DAP: variants seen among roughly 807,000 people sequenced by gnomAD.
DAP encodes the protein death-associated protein 1.
DAP carries 8 observed loss-of-function variants against 13.8 expected under a neutral mutation model. The ratio of observed to expected loss-of-function variants is 0.58; its 90% CI spans 0.34 to 1.05. The LOEUF (loss-of-function observed/expected upper bound fraction) is 1.05, where lower values mean the gene tolerates loss of function less well. DAP is among the 50% of genes least tolerant of loss of function. The probability of loss-of-function intolerance (pLI) is 0.03; values close to 1 mark genes in which losing one functional copy is unlikely to be tolerated. For missense variants in DAP, 106 were observed against 133.2 expected, an observed-to-expected ratio of 0.80 and a Z score of 1.01; for synonymous variants, 47 against 47.5, an observed-to-expected ratio of 0.99 and a Z score of 0.04.
chr5:10,699,016 C>T (rs747704157), intron 2 of DAP, among the ~76,000 whole-genome samples: 54 of 152,160 alleles, frequency 3.5e-4, no homozygotes, highest in Non-Finnish European at 5.7e-4. Context: ...CTCTAAAAGT[C>T]CCAAAGATAA....
intron 2 of DAP, among the ~76,000 whole-genome samples, chr5:10,720,611 G>A (rs561354708): frequency 6.6e-6 from 1 of 152,324 alleles, no homozygotes; most frequent in Non-Finnish European, 1.5e-5. Flanking sequence ...GGCAGGGATG[G>A]AGGTTACGCA....
chr5:10,710,868 A>G (rs1445243677), intron 2 of DAP, among the ~76,000 whole-genome samples: 1 of 152,216 alleles, frequency 6.6e-6, no homozygotes, highest in Non-Finnish European at 1.5e-5. Context: ...ATCTGCATCA[A>G]GCTGCCCAGT....
intron 2 of DAP, among the ~76,000 whole-genome samples, chr5:10,746,731 A>C (rs1739915186): frequency 6.6e-6 from 1 of 152,210 alleles, no homozygotes. Flanking sequence ...AATCACTAAT[A>C]ATCACTCAGA....
chr5:10,759,239 T>C (rs193026165), intron 1 of DAP, among the ~76,000 whole-genome samples: 36 of 152,330 alleles, frequency 2.4e-4, no homozygotes, highest in Admixed American at 9.8e-4. Flanking sequence ...ATTTAATTAC[T>C]GTACTTTGGT....
intron 2 of DAP, among the ~76,000 whole-genome samples, chr5:10,719,133 A>C (rs1739069785): frequency 6.6e-6 from 1 of 152,240 alleles, no homozygotes; most frequent in East Asian, 1.9e-4. Flanking sequence ...AAGGTAAAGG[A>C]CAAGTTGCTG....
At position 10,754,236 on chromosome 5, in the gene DAP, T is replaced by G. The variant is rs762353542; in HGVS notation, c.56-5965A>C. Among the ~76,000 whole-genome samples, 10 of 152,320 alleles carry G rather than the reference T, an allele frequency of 6.6e-5. No homozygotes were observed. The East Asian group carries it at 1.3e-3, about 21-fold the overall frequency. ...ATGCAGAGAGTGGGTACTGACAGTCTGGCCCAATAACAGACATAAGTTATA... is the reference window on the plus strand; with the variant it reads ...ATGCAGAGAGTGGGTACTGACAGTCGGGCCCAATAACAGACATAAGTTATA... On this transcript the variant is annotated intron_variant, in intron 1 of 3. Coordinates refer to ENST00000230895, the MANE Select transcript of DAP (RefSeq NM_004394.3).
intron 1 of DAP, among the ~76,000 whole-genome samples, chr5:10,749,355 C>T (rs1278792893): frequency 1.3e-5 from 2 of 152,016 alleles, no homozygotes; most frequent in African/African-American, 4.8e-5. Context: ...CACATGGTGC[C>T]TCTGAATTTA....
Position 10,680,222 on chromosome 5 carries a change from AGT to A in DAP, c.*832_*833del, listed in dbSNP as rs1737947067. ...TCCAAGCTTTCAACTCTCTGGCTCA[AGT>A]GTCCCAGAATGAACTAGAAGTCTAT... On this transcript the variant is annotated 3_prime_UTR_variant, in exon 4 of 4. Transcript: ENST00000230895. The A allele has an allele frequency of 6.4e-6, 1 of 157,342 alleles. No individual in the cohort carries two copies. The highest frequency in any genetic ancestry group is 1.4e-5 in the Non-Finnish European group (1 of 71,386). The allele number at this position is 157,342 out of a possible 1,614,324, so 9.7% of individuals were successfully genotyped here. A position where few individuals can be genotyped will look rare whatever the true frequency, so the allele number is the denominator to read the frequency against.
chr5:10,753,258 G>A (rs1300985251), intron 1 of DAP, among the ~76,000 whole-genome samples: 1 of 152,248 alleles, frequency 6.6e-6, no homozygotes, highest in Non-Finnish European at 1.5e-5. Flanking sequence ...GAAGCCAGCG[G>A]CCCCAAATCG....
At chr5:10,749,978 T>G (rs1202118537) in intron 1 of DAP, among the ~76,000 whole-genome samples, 1 of 152,106 alleles carries the variant, frequency 6.6e-6, no homozygotes, top group African/African-American at 2.4e-5. Flanking sequence ...AGAAAGGAGA[T>G]AAACCTCCTC....
Position 10,679,295 on chromosome 5 carries a change from T to C in DAP, c.*1761A>G, listed in dbSNP as rs1033537607. On this transcript the variant is annotated 3_prime_UTR_variant, in exon 4 of 4. Coordinates refer to ENST00000230895, the MANE Select transcript of DAP (RefSeq NM_004394.3). ...TTCTTGAAGTTAACAACTGATAAAC[T>C]CATTTAGGCAAACATTTTGGATTTA... The C allele has an allele frequency of 2.0e-5, 3 of 152,360 alleles. No homozygotes were observed. Among genetic ancestry groups the C allele is most frequent in the African/African-American group, 7.2e-5 (3 of 41,444 alleles). The allele number at this position is 152,360 out of a possible 1,614,324, so 9.4% of individuals were successfully genotyped here.
In DAP at chr5:10,694,436, G is replaced by A. The variant is rs115180225; in HGVS notation, c.153-10865C>T. 5.0e-3 allele frequency among the ~76,000 whole-genome samples: 757 copies of A among 152,184 alleles called. 5 individuals are homozygous for A. The highest frequency in any genetic ancestry group is 0.017 in the African/African-American group (714 of 41,534). Reference sequence around the variant, plus strand: ...CACATACACACAGCAGAAAGCAACAGATTCTAAACAGGGTCGAAACACAGT... The same window carrying A: ...CACATACACACAGCAGAAAGCAACAAATTCTAAACAGGGTCGAAACACAGT... On this transcript the variant is annotated intron_variant, in intron 2 of 3. Transcript: ENST00000230895.
intron 3 of DAP, among the ~76,000 whole-genome samples, chr5:10,681,487 C>G (rs1261607885): frequency 6.7e-6 from 1 of 148,960 alleles, no homozygotes; most frequent in Non-Finnish European, 1.5e-5. Flanking sequence ...CAGCGCCCAT[C>G]AACGTCCCTG....
In DAP at chr5:10,680,698, C is replaced by T. The variant is rs199949866; in HGVS notation, c.*358G>A. 6.6e-7 allele frequency: 1 copy of T among 1,525,038 alleles called. No individual in the cohort carries two copies. The highest frequency in any genetic ancestry group is 1.4e-5 in the African/African-American group (1 of 72,678). The allele number at this position is 1,525,038 out of a possible 1,614,324, so 94.5% of individuals were successfully genotyped here. On this transcript the variant is annotated 3_prime_UTR_variant, in exon 4 of 4. Transcript: ENST00000230895. ...ACTGAGGTTTTCTCCTAACCTTAAT[C>T]TCATCTTCTCAAATGTGTGCCTTCT... is the stretch of plus-strand genomic sequence containing the variant.
intron 2 of DAP, among the ~76,000 whole-genome samples, chr5:10,712,798 G>A (rs184512716): frequency 0.017 from 2,601 of 152,294 alleles, 52 homozygotes; most frequent in African/African-American, 0.056. Context: ...TTCAGTTGCA[G>A]AATGACTACA....
chr5:10,728,423 A>G (rs1739346556), intron 2 of DAP, among the ~76,000 whole-genome samples: 2 of 152,238 alleles, frequency 1.3e-5, no homozygotes, highest in African/African-American at 4.8e-5. Context: ...CCCAAAGGAT[A>G]GGCCAAAAAG....
chr5:10,682,668 T>C (rs969690291), intron 3 of DAP, among the ~76,000 whole-genome samples: 1 of 152,208 alleles, frequency 6.6e-6, no homozygotes, highest in Non-Finnish European at 1.5e-5. Flanking sequence ...TTGTGGGTGT[T>C]AGGGGGCCTG....
At chr5:10,693,153 C>CAA (rs10683981) in intron 2 of DAP, among the ~76,000 whole-genome samples, 2 of 138,716 alleles carry the variant, frequency 1.4e-5, no homozygotes, top group Non-Finnish European at 3.1e-5. Flanking sequence ...CACACACACA[C>CAA]GTGCGTAGTA....
intron 2 of DAP, among the ~76,000 whole-genome samples, chr5:10,741,296 T>A (rs1739748295): frequency 6.6e-6 from 1 of 152,168 alleles, no homozygotes; most frequent in Non-Finnish European, 1.5e-5. Flanking sequence ...GAGGCTGCAG[T>A]AAGCCAGGAT....
Sources: gnomAD v4.1 joint callset for allele counts (sites outside exome capture counted in the v4.1 genomes callset) on GRCh38, gnomAD v4.1.1 for gene constraint, MANE v1.5 for transcripts, NCBI Gene and HGNC (gene_info 2026-07-23, HGNC 2026-07-21) for gene names.